BTBD9: variants seen among roughly 807,000 people sequenced by gnomAD.
The protein encoded by BTBD9 is BTB domain containing 9.
In BTBD9, 49 loss-of-function variants were observed where a neutral mutation model predicts 64.3. The ratio of observed to expected loss-of-function variants is 0.76; its 90% CI spans 0.61 to 0.97. The LOEUF is 0.97. Ranked by LOEUF, BTBD9 falls within the 50% of genes least tolerant of loss-of-function variation. The pLI is 0.00. For missense variants in BTBD9, 598 were observed against 762.1 expected, an observed-to-expected ratio of 0.78 and a Z score of 2.53; for synonymous variants, 260 against 274.7, an observed-to-expected ratio of 0.95 and a Z score of 0.53.
intron 10 of BTBD9, among the ~76,000 whole-genome samples, chr6:38,186,739 C>T (rs1277943281): frequency 1.3e-5 from 2 of 152,218 alleles, no homozygotes; most frequent in African/African-American, 4.8e-5. Flanking sequence ...TGCCTAAAGC[C>T]TGTCAATACC....
intron 6 of BTBD9, among the ~76,000 whole-genome samples, chr6:38,505,551 G>A (rs536525704): frequency 5.3e-5 from 8 of 152,004 alleles, no homozygotes; most frequent in South Asian, 4.2e-4. Flanking sequence ...TTGAACCTGG[G>A]AGGCGGAGGT....
intron 6 of BTBD9, among the ~76,000 whole-genome samples, chr6:38,380,049 G>A (rs1765866622): frequency 6.6e-6 from 1 of 152,076 alleles, no homozygotes; most frequent in Admixed American, 6.5e-5. Context: ...AATGAAGAAA[G>A]GTGGGTGTGG....
chr6:38,447,930 G>A (rs1456760467), intron 6 of BTBD9, among the ~76,000 whole-genome samples: 2 of 152,202 alleles, frequency 1.3e-5, no homozygotes, highest in African/African-American at 4.8e-5. Flanking sequence ...AAGATACGTG[G>A]ACATTTGGTC....
In BTBD9 at chr6:38,468,710, T is replaced by C. The variant is rs141317045; in HGVS notation, c.1154+108890A>G. On this transcript the variant is annotated intron_variant, in intron 6 of 10. Coordinates refer to ENST00000481247, the MANE Select transcript of BTBD9 (RefSeq NM_001099272.2). The stretch of plus-strand genomic sequence containing the variant: ...AAAATTCAACTCAAAAGAGATCAAA[T>C]CATCTACTATATAGAGTATACCCAG... Among the ~76,000 whole-genome samples, 902 of 152,290 alleles carry C rather than the reference T, an allele frequency of 5.9e-3. 28 individuals are homozygous for C. The highest frequency in any genetic ancestry group is 0.038 in the Admixed American group (584 of 15,300).
At chr6:38,628,047 G>A (rs1277225184) in intron 1 of BTBD9, among the ~76,000 whole-genome samples, 1 of 152,144 alleles carries the variant, frequency 6.6e-6, no homozygotes, top group African/African-American at 2.4e-5. Context: ...CGCAAAAAGG[G>A]TCATAACTTT....
At chr6:38,320,517 G>T (rs1278797467) in intron 7 of BTBD9, among the ~76,000 whole-genome samples, 1 of 152,096 alleles carries the variant, frequency 6.6e-6, no homozygotes, top group South Asian at 2.1e-4. Context: ...GCTTCTGCTT[G>T]AAAGTCCACT....
chr6:38,449,429 C>G (rs550662069), intron 6 of BTBD9, among the ~76,000 whole-genome samples: 1 of 152,126 alleles, frequency 6.6e-6, no homozygotes, highest in East Asian at 1.9e-4. Flanking sequence ...GACACATAGA[C>G]TAGTGAACAG....
intron 7 of BTBD9, among the ~76,000 whole-genome samples, chr6:38,306,994 C>T (rs1044396966): frequency 2.6e-5 from 4 of 151,090 alleles, no homozygotes; most frequent in Non-Finnish European, 5.9e-5. Flanking sequence ...TCTCTATTGC[C>T]AAGATTTTCA....
chr6:38,531,017 A>C (rs1484133440), intron 6 of BTBD9, among the ~76,000 whole-genome samples: 2 of 152,172 alleles, frequency 1.3e-5, no homozygotes, highest in Non-Finnish European at 2.9e-5. Context: ...AAAATCTAAG[A>C]GTTACAAGTT....
intron 6 of BTBD9, among the ~76,000 whole-genome samples, chr6:38,446,258 AC>A (rs1769273861): frequency 6.6e-6 from 1 of 151,976 alleles, no homozygotes; most frequent in African/African-American, 2.4e-5. Context: ...CTTTAAATGC[AC>A]CCTGTACTTC....
chr6:38,481,420 G>A (rs1771137738), intron 6 of BTBD9, among the ~76,000 whole-genome samples: 1 of 152,194 alleles, frequency 6.6e-6, no homozygotes, highest in Admixed American at 6.5e-5. Flanking sequence ...AAAATAAAAT[G>A]AGGCCGCACA....
intron 7 of BTBD9, among the ~76,000 whole-genome samples, chr6:38,294,968 C>T (rs1762103871): frequency 6.6e-6 from 1 of 151,838 alleles, no homozygotes; most frequent in South Asian, 2.1e-4. Context: ...TGAAGTTGAA[C>T]ATTTTTTTTT....
intron 6 of BTBD9, among the ~76,000 whole-genome samples, chr6:38,347,945 T>G (rs1351661896): frequency 6.6e-6 from 1 of 152,166 alleles, no homozygotes; most frequent in African/African-American, 2.4e-5. Flanking sequence ...TGCAGTGAGC[T>G]GAGATCGCGC....
chr6:38,537,956 C>T (rs1774095699), intron 6 of BTBD9, among the ~76,000 whole-genome samples: 1 of 152,166 alleles, frequency 6.6e-6, no homozygotes, highest in South Asian at 2.1e-4. Flanking sequence ...GCCCCCTTGC[C>T]AGCCTGAGTA....
chr6:38,193,899 C>T (rs1415888065), intron 9 of BTBD9: 2 of 984,916 alleles, frequency 2.0e-6, no homozygotes, highest in African/African-American at 3.5e-5. Flanking sequence ...GCCTGGACAC[C>T]AGTCCCCTTA....
At chr6:38,541,714 G>T (rs1240079005) in intron 6 of BTBD9, among the ~76,000 whole-genome samples, 6 of 152,154 alleles carry the variant, frequency 3.9e-5, no homozygotes, top group Admixed American at 2.6e-4. Flanking sequence ...CTCCAGCCTG[G>T]TGACAGAGCA....
intron 6 of BTBD9, among the ~76,000 whole-genome samples, chr6:38,425,085 G>A (rs1029449215): frequency 6.7e-6 from 1 of 149,912 alleles, no homozygotes; most frequent in East Asian, 2.0e-4. Flanking sequence ...CAAAGTGCTC[G>A]GATTACAGGT....
chr6:38,532,776 C>A (rs890870941), intron 6 of BTBD9, among the ~76,000 whole-genome samples: 1 of 151,948 alleles, frequency 6.6e-6, no homozygotes, highest in African/African-American at 2.4e-5. Context: ...GAATAACCAG[C>A]AGCAATACCC....
chr6:38,372,401 T>A (rs1219841469), intron 6 of BTBD9, among the ~76,000 whole-genome samples: 1 of 151,962 alleles, frequency 6.6e-6, no homozygotes, highest in Non-Finnish European at 1.5e-5. Flanking sequence ...TGAGTTGGGG[T>A]TTTAGTGGGT....
Sources: gnomAD v4.1 joint callset for allele counts (sites outside exome capture counted in the v4.1 genomes callset) on GRCh38, gnomAD v4.1.1 for gene constraint, MANE v1.5 for transcripts, NCBI Gene and HGNC (gene_info 2026-07-23, HGNC 2026-07-21) for gene names.